The following SLC22A25 variants were observed in gnomAD, a reference collection of about 807,000 sequenced individuals.
SLC22A25 encodes the protein solute carrier family 22 member 25.
Under a neutral mutation model 45.9 loss-of-function variants are expected in SLC22A25, and 44 were observed. The ratio of observed to expected loss-of-function variants is 0.96; its 90% confidence interval spans 0.75 to 1.23. SLC22A25 has a LOEUF of 1.23. Among genes scored for constraint, SLC22A25 ranks in the 50% most tolerant of loss-of-function variants. The pLI is 0.00. For synonymous variants in SLC22A25, 283 were observed against 238.6 expected (o/e 1.19, Z -1.72); for missense variants, 800 against 666.4 (o/e 1.20, Z -2.21).
chr11:63,216,400 C>A (rs1441261570), intron 7 of SLC22A25, among the ~76,000 whole-genome samples: 5 of 152,268 alleles, frequency 3.3e-5, no homozygotes, highest in Admixed American at 3.3e-4. Flanking sequence ...AGAAACTCTT[C>A]TACTATAAAG....
Position 63,226,684 on chromosome 11 carries a change from A to G in SLC22A25, c.506+1777T>C, listed in dbSNP as rs531984711. On this transcript the variant is annotated intron_variant, in intron 5 of 11. Transcript: ENST00000306494. Reference sequence around the variant, plus strand: ...TTGCTAAAGGTCCTAGGGTTCTACAATCAGGAGGTGGTGAAACCAGCCAAC... The same window carrying G: ...TTGCTAAAGGTCCTAGGGTTCTACAGTCAGGAGGTGGTGAAACCAGCCAAC... 1.6e-4 allele frequency among the ~76,000 whole-genome samples: 24 copies of G among 152,288 alleles called. 1 individual carries two copies. In the South Asian group the frequency reaches 4.4e-3, roughly 28 times the overall value.
Position 63,158,729 on chromosome 11 carries a change from G to A in SLC22A25, c.*5095C>T, listed in dbSNP as rs958584880. On this transcript the variant is annotated 3_prime_UTR_variant, in exon 12 of 12. Transcript: ENST00000306494. ...GCAGCATGGGGTATCTGTCCCTCAA[G>A]CGTTTATTCTTTGTGATTACAAACA... 6.6e-6 allele frequency among the ~76,000 whole-genome samples: 1 copy of A among 152,058 alleles called. No individual in the cohort carries two copies. The highest frequency in any genetic ancestry group is 2.4e-5 in the African/African-American group (1 of 41,424).
intron 8 of SLC22A25, among the ~76,000 whole-genome samples, chr11:63,181,105 A>G (rs1159693126): frequency 6.6e-6 from 1 of 152,122 alleles, no homozygotes; most frequent in Non-Finnish European, 1.5e-5. Context: ...CCAAAGCTCC[A>G]TTTATACCAG....
chr11:63,180,868 T>G, intron 8 of SLC22A25, 93 bp from the exon 9 acceptor site: 5 of 798,220 alleles, frequency 6.3e-6, no homozygotes, highest in Non-Finnish European at 1.0e-5. Flanking sequence ...ACAAGATAGA[T>G]GACATCCCTT....
At position 63,230,003 on chromosome 11, in the gene SLC22A25, T is replaced by G. The variant is rs901849980; in HGVS notation, c.-351A>C. Among the ~76,000 whole-genome samples the G allele has an allele frequency of 6.6e-6, 1 of 152,234 alleles. No homozygotes were observed. The highest frequency in any genetic ancestry group is 1.5e-5 in the Non-Finnish European group (1 of 68,038). ...TTGAACTTTGGTCTGCACATTTTTT[T>G]GTAAACAAACTAAAATAAATCTGCT... On this transcript the variant is annotated 5_prime_UTR_variant, in exon 4 of 12. Transcript: ENST00000306494.
At chr11:63,199,396 T>C (rs143727533) in intron 7 of SLC22A25, among the ~76,000 whole-genome samples, 141 of 152,168 alleles carry the variant, frequency 9.3e-4, no homozygotes, top group African/African-American at 3.2e-3. Context: ...AGCTCTGAAA[T>C]TGAGGCAGTA....
intron 7 of SLC22A25, among the ~76,000 whole-genome samples, chr11:63,191,508 C>T (rs2088814006): frequency 6.6e-6 from 1 of 152,130 alleles, no homozygotes; most frequent in South Asian, 2.1e-4. Context: ...TGAGGCAATG[C>T]CTCACCCTGC....
chr11:63,187,292 A>G (rs1433123165), intron 7 of SLC22A25, among the ~76,000 whole-genome samples: 2 of 152,196 alleles, frequency 1.3e-5, no homozygotes, highest in East Asian at 1.9e-4. Flanking sequence ...TAGGTATTTT[A>G]TTCTCTTTGA....
At chr11:63,224,894 T>A (rs1021305413) in intron 5 of SLC22A25, among the ~76,000 whole-genome samples, 1 of 152,092 alleles carries the variant, frequency 6.6e-6, no homozygotes, top group Non-Finnish European at 1.5e-5. Flanking sequence ...GGTCAGGAGA[T>A]GGAGACCATC....
Position 63,229,480 on chromosome 11 carries a change from G to A in SLC22A25, c.173C>T (p.Thr58Ile). The change falls in exon 4 of 12, where the codon ACT becomes ATT. Residue 58 changes from threonine (T) to isoleucine (I), a missense_variant. Coordinates refer to ENST00000306494, the MANE Select transcript of SLC22A25 (RefSeq NM_199352.6). ...GGTCCCAGGGTCATTGTCAGGGATA[G>A]TGTCATTGTCCAGTATATGAACCCA... The part of the protein sequence containing the change: ...RCWVHILDND[T>I]IPDNDPGTLS... 1.2e-6 allele frequency: 2 copies of A among 1,614,124 alleles called. No individual in the cohort carries two copies. The highest frequency in any genetic ancestry group is 2.2e-5 in the South Asian group (2 of 91,078).
chr11:63,175,349 C>T (rs1162442628), intron 9 of SLC22A25, among the ~76,000 whole-genome samples: 1 of 152,022 alleles, frequency 6.6e-6, no homozygotes, highest in Non-Finnish European at 1.5e-5. Context: ...TTTTGACTTG[C>T]ATGTTCCTGA....
intron 3 of SLC22A25, among the ~76,000 whole-genome samples, chr11:63,230,623 T>C (rs755894731): frequency 2.6e-5 from 4 of 152,230 alleles, no homozygotes; most frequent in Non-Finnish European, 5.9e-5. Context: ...TCATTTACCA[T>C]ACAGTTCACC....
Position 63,166,242 on chromosome 11 carries a change from G to A in SLC22A25, c.1087C>T (p.Pro363Ser). The A allele has an allele frequency of 6.2e-7, 1 of 1,613,898 alleles. No individual in the cohort carries two copies. Among genetic ancestry groups the A allele is most frequent in the Non-Finnish European group, 8.5e-7 (1 of 1,179,910 alleles). ...AGGTGCAAAGTAAGGCCCCAAAAAGGGATGGTACTTGCAAATCTGCAGGGA... is the reference window on the plus strand; with the variant it reads ...AGGTGCAAAGTAAGGCCCCAAAAAGAGATGGTACTTGCAAATCTGCAGGGA... ...LSFVRFASTI[P>S]FWGLTLHLQH... is the part of the protein sequence containing the mutation. Residue 363 changes from proline to serine, a missense_variant, in exon 10 of 12, where the codon CCT becomes TCT. Physicochemically the swap from Pro to Ser is moderately conservative, Grantham distance 74. Coordinates refer to ENST00000306494, the MANE Select transcript of SLC22A25 (RefSeq NM_199352.6).
In SLC22A25 at chr11:63,177,866, TATATATAATGTATATATATA is replaced by T. The variant is rs1203130541; in HGVS notation, c.1070+2774_1070+2793del. 8.3e-3 allele frequency among the ~76,000 whole-genome samples: 1,177 copies of T among 141,904 alleles called. 17 individuals carry two copies. The highest frequency in any genetic ancestry group is 0.017 in the African/African-American group (656 of 38,466). The allele number at this position is 141,904 out of a possible 152,430, so 93.1% of individuals were successfully genotyped here. A position where few individuals can be genotyped will look rare whatever the true frequency, so the allele number is the denominator to read the frequency against. ...ATATATATATAATGTATATATATAATATATATAATGTATATATATAATATATATATATAATGTATATCCCA... is the reference window on the plus strand; with the variant it reads ...ATATATATATAATGTATATATATAATATATATATATATAATGTATATCCCA... On this transcript the variant is annotated intron_variant, in intron 9 of 11. Transcript: ENST00000306494.
At chr11:63,169,802 C>G (rs546268096) in intron 9 of SLC22A25, among the ~76,000 whole-genome samples, 5 of 152,116 alleles carry the variant, frequency 3.3e-5, no homozygotes, top group Non-Finnish European at 5.9e-5. Flanking sequence ...CAACTCTGGA[C>G]CAAGTGGATC....
chr11:63,166,401 G>C (rs929185446), intron 9 of SLC22A25, 143 bp from the exon 10 acceptor site: 103 of 1,447,248 alleles, frequency 7.1e-5, no homozygotes, highest in Middle Eastern at 6.9e-4. Flanking sequence ...CTTGCAAGTT[G>C]ATATTTTAAA....
chr11:63,180,735 T>C lies in SLC22A25; in HGVS notation c.995A>G (p.Gln332Arg). Residue 332 changes from glutamine (Q) to arginine (R), a missense_variant, in exon 9 of 12, where the codon CAG becomes CGG. Gln to Arg is a conservative substitution (Grantham distance 43). Coordinates refer to ENST00000306494, the MANE Select transcript of SLC22A25 (RefSeq NM_199352.6). ...CAATTCACAAAGAGAATGCTTTTTC[T>C]GTGCTGCCTCCAGTTCTTGCTTCAT... The part of the protein sequence containing the change: ...STMKQELEAA[Q>R]KKHSLCELLR... 6.2e-7 allele frequency: 1 copy of C among 1,613,296 alleles called. No individual in the cohort carries two copies. Among genetic ancestry groups the C allele is most frequent in the South Asian group, 1.1e-5 (1 of 91,012 alleles).
intron 7 of SLC22A25, among the ~76,000 whole-genome samples, chr11:63,208,935 G>A (rs923219870): frequency 1.3e-5 from 2 of 152,134 alleles, no homozygotes; most frequent in Non-Finnish European, 2.9e-5. Context: ...CCACAAGGGA[G>A]GAAATGGGAG....
chr11:63,240,751 C>T (rs1169521114), intron 1 of SLC22A25, among the ~76,000 whole-genome samples: 2 of 152,128 alleles, frequency 1.3e-5, no homozygotes, highest in African/African-American at 2.4e-5. Context: ...CACCATTTTC[C>T]ATCTTCACAT....
Sources: allele counts gnomAD v4.1 joint callset (sites outside exome capture counted in the v4.1 genomes callset), GRCh38; gene constraint gnomAD v4.1.1; transcripts MANE v1.5; gene names NCBI Gene and HGNC (gene_info 2026-07-23, HGNC 2026-07-21).